The following NLRP14 variants were observed in gnomAD, a reference collection of about 807,000 sequenced individuals.
The protein encoded by NLRP14 is NACHT, LRR and PYD domains-containing protein 14.
NLRP14 carries 105 observed loss-of-function variants against 94.7 expected under a neutral mutation model. The observed-to-expected ratio is 1.11, with a 90% confidence interval of 0.95 to 1.30. The LOEUF (loss-of-function observed/expected upper bound fraction) is 1.30. Ranked by LOEUF, NLRP14 falls within the 50% of genes most tolerant of loss-of-function variation. The pLI is 0.00. For synonymous variants in NLRP14, 508 were observed against 459.9 expected (o/e 1.10, Z -1.34); for missense variants, 1,362 against 1,254.1 (o/e 1.09, Z -1.30).
chr11:7,027,671 A>G (rs1007103186), intron 1 of NLRP14, among the ~76,000 whole-genome samples: 1 of 151,950 alleles, frequency 6.6e-6, no homozygotes, highest in African/African-American at 2.4e-5. Flanking sequence ...ATTGTCTTCA[A>G]TTTTTTCTCC....
intron 6 of NLRP14, among the ~76,000 whole-genome samples, chr11:7,055,184 C>T (rs986643847): frequency 6.6e-6 from 1 of 152,090 alleles, no homozygotes; most frequent in Non-Finnish European, 1.5e-5. Context: ...TCTCAAATTA[C>T]AGAGCCAATT....
At chr11:7,044,946 A>G (rs1000986077) in intron 4 of NLRP14, among the ~76,000 whole-genome samples, 7 of 152,194 alleles carry the variant, frequency 4.6e-5, no homozygotes, top group African/African-American at 1.7e-4. Context: ...GATCTCATTT[A>G]GTCTTCTGAT....
chr11:7,033,744 G>A (rs1852126254), intron 1 of NLRP14, among the ~76,000 whole-genome samples: 1 of 152,132 alleles, frequency 6.6e-6, no homozygotes, highest in Admixed American at 6.5e-5. Flanking sequence ...CGAACATTTT[G>A]TCTCTGTAGA....
chr11:7,089,444 G>T, the NLRP14 span: 6 of 1,522,128 alleles, frequency 3.9e-6, no homozygotes, highest in Non-Finnish European at 4.4e-6. Context: ...CGAGGTTCCT[G>T]CGCGGAACCC....
At chr11:7,050,707 T>A (rs1306573212) in intron 6 of NLRP14, among the ~76,000 whole-genome samples, 12 of 152,162 alleles carry the variant, frequency 7.9e-5, no homozygotes, top group Non-Finnish European at 1.6e-4. Context: ...TTAAAAACTC[T>A]TATCGGTTTT....
At chr11:7,085,599 G>C in the NLRP14 span, among the ~76,000 whole-genome samples, 2 of 152,068 alleles carry the variant, frequency 1.3e-5, no homozygotes, top group Non-Finnish European at 2.9e-5. Flanking sequence ...TGTGTATATA[G>C]AATAGTTTCT....
At chr11:7,044,484 G>C (rs1044830929) in intron 4 of NLRP14, among the ~76,000 whole-genome samples, 4 of 152,150 alleles carry the variant, frequency 2.6e-5, no homozygotes, top group Admixed American at 2.6e-4. Context: ...CCAGACATTG[G>C]TTGGCCTTTG....
the NLRP14 span, among the ~76,000 whole-genome samples, chr11:7,088,316 A>G: frequency 2.0e-5 from 3 of 152,328 alleles, no homozygotes; most frequent in South Asian, 4.1e-4. Context: ...CCAAAAAGGA[A>G]ATAACAAAGA....
chr11:7,089,906 C>T, the NLRP14 span: 2 of 1,612,958 alleles, frequency 1.2e-6, no homozygotes, highest in South Asian at 1.1e-5. Context: ...ACCGAGACGG[C>T]TACGGAGGTC....
the NLRP14 span, chr11:7,089,189 C>A: frequency 1.2e-6 from 2 of 1,613,998 alleles, no homozygotes; most frequent in Non-Finnish European, 1.7e-6. Flanking sequence ...ACGAGAAAGC[C>A]CTCGAAGCCG....
At chr11:7,060,147 G>A in intron 9 of NLRP14, 83 bp downstream of exon 9, 1 of 1,205,466 alleles carries the variant, frequency 8.3e-7, no homozygotes, top group Non-Finnish European at 1.2e-6. Flanking sequence ...TGAGAACCGA[G>A]CATCTATCAG....
At chr11:7,089,275 C>T in the NLRP14 span, 2 of 1,608,822 alleles carry the variant, frequency 1.2e-6, no homozygotes, top group Non-Finnish European at 8.5e-7. Flanking sequence ...AGGGGCTTCG[C>T]GTTCGTCACC....
intron 9 of NLRP14, 151 bp downstream of exon 9, chr11:7,060,215 G>T: frequency 1.3e-6 from 1 of 756,776 alleles, no homozygotes; most frequent in Non-Finnish European, 2.3e-6. Flanking sequence ...AGCTGGGGAA[G>T]TCTGCTCATC....
At chr11:7,034,513 T>G (rs1852136246) in intron 1 of NLRP14, among the ~76,000 whole-genome samples, 1 of 152,214 alleles carries the variant, frequency 6.6e-6, no homozygotes, top group Non-Finnish European at 1.5e-5. Flanking sequence ...TTGTAGTAGT[T>G]AATTCAAACA....
chr11:7,070,428 T>C lies in NLRP14; in HGVS notation c.3118T>C (p.Ser1040Pro), dbSNP rs1351211856. The C allele has an allele frequency of 1.2e-6, 2 of 1,611,634 alleles. No homozygotes were observed. Among genetic ancestry groups the C allele is most frequent in the African/African-American group, 1.3e-5 (1 of 74,814 alleles). ...GIVKLYKVLK[S>P]PKCKLQVLGL... Reference sequence around the variant, plus strand: ...TGTGAAGTTATATAAAGTCTTGAAGTCTCCTAAGTGTAAACTACAAGTTCT... The same window carrying C: ...TGTGAAGTTATATAAAGTCTTGAAGCCTCCTAAGTGTAAACTACAAGTTCT... Residue 1040 changes from serine to proline, a missense_variant, in exon 11 of 12, where the codon TCT becomes CCT. Coordinates refer to ENST00000299481, the MANE Select transcript of NLRP14 (RefSeq NM_176822.4).
At chr11:7,023,524 A>ATATATTT (rs1554953804) in intron 1 of NLRP14, among the ~76,000 whole-genome samples, 1 of 144,506 alleles carries the variant, frequency 6.9e-6, no homozygotes, top group Admixed American at 7.0e-5. Context: ...TAATATATAA[A>ATATATTT]ATATATTTAT....
Position 7,020,489 on chromosome 11 carries a change from G to T in NLRP14, c.-303G>T, listed in dbSNP as rs1023022638. 1.3e-5 allele frequency: 2 copies of T among 152,326 alleles called. No individual in the cohort carries two copies. Among genetic ancestry groups the T allele is most frequent in the African/African-American group, 4.8e-5 (2 of 41,458 alleles). The allele number at this position is 152,326 out of a possible 1,614,324, so 9.4% of individuals were successfully genotyped here. A position where few individuals can be genotyped will look rare whatever the true frequency, so the allele number is the denominator to read the frequency against. ...CCTTTGGCCGCTGGCATTCCTGCGC[G>T]GGCGGGAGCTGCGGGCGCTCGGGGG... On this transcript the variant is annotated 5_prime_UTR_variant, in exon 1 of 12. Coordinates refer to ENST00000299481, the MANE Select transcript of NLRP14 (RefSeq NM_176822.4).
intron 1 of NLRP14, among the ~76,000 whole-genome samples, chr11:7,027,624 T>C (rs542459272): frequency 6.6e-5 from 10 of 152,250 alleles, no homozygotes; most frequent in African/African-American, 2.4e-4. Context: ...ATCGTTTCTG[T>C]CCTTCCTTTT....
intron 10 of NLRP14, among the ~76,000 whole-genome samples, chr11:7,063,364 C>T (rs1255892131): frequency 2.6e-5 from 4 of 151,936 alleles, no homozygotes; most frequent in Admixed American, 6.6e-5. Context: ...TTTTGTCCCC[C>T]GAGTCTCACA....
Sources: gnomAD v4.1 joint callset for allele counts (sites outside exome capture counted in the v4.1 genomes callset) on GRCh38, gnomAD v4.1.1 for gene constraint, MANE v1.5 for transcripts, NCBI Gene and HGNC (gene_info 2026-07-23, HGNC 2026-07-21) for gene names.